RGSL1: variants seen among roughly 807,000 people sequenced by gnomAD.
The protein encoded by RGSL1 is regulator of G protein signaling like 1, also known as regulator of G protein signaling protein-like.
Under a neutral mutation model 124.7 loss-of-function variants are expected in RGSL1, and 97 were observed. The observed-to-expected ratio is 0.78, with a 90% CI of 0.66 to 0.92. RGSL1 has a LOEUF of 0.92. Among genes scored for constraint, RGSL1 ranks in the 40% least tolerant of loss-of-function variants. RGSL1 has a pLI of 0.00. For missense variants in RGSL1, 1,233 were observed against 1,288.4 expected (o/e 0.96, Z 0.66); for synonymous variants, 424 against 438.1 (o/e 0.97, Z 0.40).
intron 4 of RGSL1, among the ~76,000 whole-genome samples, chr1:182,468,871 T>C (rs1653576056): frequency 6.6e-6 from 1 of 152,054 alleles, no homozygotes. Context: ...AACCCTCACA[T>C]ATATGGTAAA....
chr1:182,516,122 C>T (rs923473552), intron 9 of RGSL1, among the ~76,000 whole-genome samples: 2 of 152,188 alleles, frequency 1.3e-5, no homozygotes, highest in Non-Finnish European at 2.9e-5. Flanking sequence ...TTACTCCGGT[C>T]CTATGTGACG....
intron 17 of RGSL1, 62 bp downstream of exon 17, chr1:182,548,886 G>A: frequency 6.5e-7 from 1 of 1,531,804 alleles, no homozygotes; most frequent in Non-Finnish European, 8.8e-7. Flanking sequence ...TTTGGAGAGA[G>A]TTTTCTGCCT....
chr1:182,514,034 C>T lies in RGSL1; in HGVS notation c.1826-7970C>T, dbSNP rs547125087. Among the ~76,000 whole-genome samples, 5 of 151,988 alleles carry T rather than the reference C, an allele frequency of 3.3e-5. No homozygotes were observed. The South Asian group carries it at 6.2e-4, about 19-fold the overall frequency. On this transcript the variant is annotated intron_variant, in intron 9 of 21. Transcript: ENST00000294854. ...TCAGCCTCCTGAGTAGCTGGGATTA[C>T]AGGCACCTGCCATCATGCCTGGCTA...
intron 6 of RGSL1, among the ~76,000 whole-genome samples, chr1:182,476,177 T>C (rs997684694): frequency 6.6e-6 from 1 of 152,214 alleles, no homozygotes; most frequent in African/African-American, 2.4e-5. Context: ...CTTTGCTCAA[T>C]TTTTGATTAA....
chr1:182,517,771 C>T lies in RGSL1; in HGVS notation c.1826-4233C>T, dbSNP rs114676274. The stretch of plus-strand genomic sequence containing the variant: ...TTGTTAAATTTCTTCAATGGCTTTC[C>T]GAATTGTTTTTCTGTGTTATCTTGG... On this transcript the variant is annotated intron_variant, in intron 9 of 21. Coordinates refer to ENST00000294854, the MANE Select transcript of RGSL1 (RefSeq NM_001137669.2). 3.7e-3 allele frequency among the ~76,000 whole-genome samples: 564 copies of T among 152,052 alleles called. 2 individuals are homozygous for T. Among genetic ancestry groups the T allele is most frequent in the African/African-American group, 0.013 (530 of 41,482 alleles).
intron 3 of RGSL1, among the ~76,000 whole-genome samples, chr1:182,459,498 C>T (rs533747674): frequency 2.6e-5 from 4 of 152,246 alleles, no homozygotes; most frequent in South Asian, 4.1e-4. Flanking sequence ...AAAAAATTAC[C>T]TCCTTTCTCT....
chr1:182,515,735 C>T (rs1450385186), intron 9 of RGSL1, among the ~76,000 whole-genome samples: 2 of 152,174 alleles, frequency 1.3e-5, no homozygotes, highest in Non-Finnish European at 2.9e-5. Flanking sequence ...GTGCCAGCGG[C>T]AGCCGTGGTT....
chr1:182,538,224 G>A (rs1320014347), intron 14 of RGSL1, among the ~76,000 whole-genome samples: 3 of 152,126 alleles, frequency 2.0e-5, no homozygotes, highest in Non-Finnish European at 4.4e-5. Context: ...AAAAGTGGAC[G>A]TTCCGATAAA....
At chr1:182,554,932 C>A (rs1477392400) in intron 20 of RGSL1, 1 of 526,424 alleles carries the variant, frequency 1.9e-6, no homozygotes, top group Non-Finnish European at 3.4e-6. Context: ...CTCTGACCCA[C>A]TTTTCAGTAG....
intron 12 of RGSL1, 109 bp downstream of exon 12, chr1:182,530,470 G>T: frequency 2.3e-6 from 2 of 861,448 alleles, no homozygotes; most frequent in Non-Finnish European, 3.6e-6. Context: ...CATTGCCAGA[G>T]CCTCTCTACA....
At chr1:182,499,612 C>A (rs1012082420) in intron 9 of RGSL1, among the ~76,000 whole-genome samples, 2 of 152,218 alleles carry the variant, frequency 1.3e-5, no homozygotes, top group Middle Eastern at 3.4e-3. Flanking sequence ...ACAGTTGGGT[C>A]TTGCTTTTTT....
chr1:182,460,019 G>A lies in RGSL1; in HGVS notation c.187G>A (p.Gly63Arg). ...IPCNLIAKYK[G>R]LLTWLEKCRL... is the part of the protein sequence containing the mutation. ...TTGACTCTAGATTGCCAAATACAAAGGGTTATTGACCTGGTTGGAAAAATG... is the reference window on the plus strand; with the variant it reads ...TTGACTCTAGATTGCCAAATACAAAAGGTTATTGACCTGGTTGGAAAAATG... Residue 63 changes from glycine to arginine, a missense_variant, in exon 4 of 22, where the codon GGG becomes AGG. Transcript: ENST00000294854. The A allele has an allele frequency of 1.3e-6, 2 of 1,551,394 alleles. No individual in the cohort carries two copies. The highest frequency in any genetic ancestry group is 1.7e-6 in the Non-Finnish European group (2 of 1,146,904).
At chr1:182,502,533 G>A (rs1221143676) in intron 9 of RGSL1, among the ~76,000 whole-genome samples, 1 of 152,180 alleles carries the variant, frequency 6.6e-6, no homozygotes, top group African/African-American at 2.4e-5. Context: ...CTATGATCAT[G>A]CCACAGTACT....
chr1:182,451,806 G>T (rs1651865708), intron 1 of RGSL1, among the ~76,000 whole-genome samples: 1 of 151,536 alleles, frequency 6.6e-6, no homozygotes, highest in Admixed American at 6.6e-5. Context: ...TGGGAGCTAG[G>T]GAGACCATTT....
At chr1:182,516,709 A>AAAC (rs34890099) in intron 9 of RGSL1, among the ~76,000 whole-genome samples, 131,291 of 151,950 alleles carry the variant, frequency 0.86, 57,043 homozygotes, top group Non-Finnish European at 0.89. Context: ...TAAAGAATAA[A>AAAC]AAGGAAAATA....
At chr1:182,537,222 A>G (rs1659607349) in intron 14 of RGSL1, among the ~76,000 whole-genome samples, 1 of 152,190 alleles carries the variant, frequency 6.6e-6, no homozygotes, top group African/African-American at 2.4e-5. Context: ...CTCACGTAAC[A>G]GGTTGCAGTC....
chr1:182,495,832 G>T (rs889453667), intron 9 of RGSL1, among the ~76,000 whole-genome samples: 35 of 152,150 alleles, frequency 2.3e-4, no homozygotes, highest in African/African-American at 8.5e-4. Context: ...GGGTGTCTGG[G>T]TCACCTGCTT....
intron 6 of RGSL1, among the ~76,000 whole-genome samples, chr1:182,482,467 C>G (rs1028951800): frequency 6.6e-6 from 1 of 152,154 alleles, no homozygotes; most frequent in Non-Finnish European, 1.5e-5. Context: ...AAAAGTAAAA[C>G]TATCATGCCT....
chr1:182,520,696 TTTTG>T (rs1445394414), intron 9 of RGSL1, among the ~76,000 whole-genome samples: 2 of 152,138 alleles, frequency 1.3e-5, no homozygotes, highest in Admixed American at 6.5e-5. Context: ...TTTTGCTTTG[TTTTG>T]TTTATTTATT....
Sources: allele counts gnomAD v4.1 joint callset (sites outside exome capture counted in the v4.1 genomes callset), GRCh38; gene constraint gnomAD v4.1.1; transcripts MANE v1.5; gene names NCBI Gene and HGNC (gene_info 2026-07-23, HGNC 2026-07-21).